The following NBAS variants were observed in gnomAD, a reference collection of about 807,000 sequenced individuals.
The protein encoded by NBAS is NBAS subunit of NRZ tethering complex.
A neutral mutation model predicts 302.5 loss-of-function variants in NBAS; 219 were observed. The ratio of observed to expected loss-of-function variants is 0.72; its 90% CI spans 0.65 to 0.81. The LOEUF (loss-of-function observed/expected upper bound fraction) is 0.81, where lower values mean the gene tolerates loss of function less well. Ranked by LOEUF, NBAS falls within the 30% of genes least tolerant of loss-of-function variation. The probability of loss-of-function intolerance (pLI) is 0.00; values close to 1 mark genes in which losing one functional copy is unlikely to be tolerated. For synonymous variants in NBAS, 1,118 were observed against 1,021.6 expected (o/e 1.09, Z -1.80); for missense variants, 2,932 against 2,841.6 (o/e 1.03, Z -0.72).
chr2:15,323,102 T>C (rs61168993), intron 38 of NBAS, among the ~76,000 whole-genome samples: 3,479 of 152,246 alleles, frequency 0.023, 86 homozygotes, highest in African/African-American at 0.057. Context: ...TCAGAAAATA[T>C]AATCTCAAGA....
At chr2:15,518,603 T>G (rs1348338576) in intron 9 of NBAS, among the ~76,000 whole-genome samples, 1 of 152,136 alleles carries the variant, frequency 6.6e-6, no homozygotes, top group African/African-American at 2.4e-5. Flanking sequence ...TTAGCAAAAC[T>G]TTACTTCCCC....
the NBAS span, among the ~76,000 whole-genome samples, chr2:14,861,118 T>C: frequency 6.6e-6 from 1 of 152,326 alleles, no homozygotes; most frequent in South Asian, 2.1e-4. Context: ...ATCTATCTCA[T>C]TGTCAGTAAT....
At chr2:14,789,190 G>T in the NBAS span, among the ~76,000 whole-genome samples, 3 of 152,164 alleles carry the variant, frequency 2.0e-5, no homozygotes, top group African/African-American at 7.2e-5. Flanking sequence ...TAGGAAAAGC[G>T]CAGTACTGGG....
At chr2:15,378,527 G>C (rs1162726402) in intron 30 of NBAS, among the ~76,000 whole-genome samples, 2 of 152,144 alleles carry the variant, frequency 1.3e-5, no homozygotes, top group Non-Finnish European at 2.9e-5. Context: ...AATTCAAAAT[G>C]CATTTAATAC....
At chr2:15,254,432 T>C (rs1246533019) in intron 44 of NBAS, among the ~76,000 whole-genome samples, 10 of 152,156 alleles carry the variant, frequency 6.6e-5, no homozygotes, top group South Asian at 2.1e-4. Flanking sequence ...GTTTGTGCAG[T>C]GGTAGAAAGT....
chr2:15,383,529 A>G (rs1359570873), intron 28 of NBAS, among the ~76,000 whole-genome samples: 1 of 152,204 alleles, frequency 6.6e-6, no homozygotes, highest in African/African-American at 2.4e-5. Context: ...GCTATGCATC[A>G]CTGCTAGAGA....
chr2:15,553,085 C>T (rs1314190731), intron 5 of NBAS, among the ~76,000 whole-genome samples: 1 of 152,168 alleles, frequency 6.6e-6, no homozygotes, highest in African/African-American at 2.4e-5. Flanking sequence ...CATCCCTACT[C>T]TTTTACACCT....
chr2:14,972,302 T>C, the NBAS span, among the ~76,000 whole-genome samples: 1 of 151,036 alleles, frequency 6.6e-6, no homozygotes, highest in South Asian at 2.1e-4. Context: ...CTGTTGGGGG[T>C]TGGGAGGTGA....
At chr2:15,307,779 G>A (rs768724641) in intron 40 of NBAS, among the ~76,000 whole-genome samples, 1 of 151,752 alleles carries the variant, frequency 6.6e-6, no homozygotes. Flanking sequence ...CATTCTGTCC[G>A]TACAACTGAC....
the NBAS span, among the ~76,000 whole-genome samples, chr2:14,983,229 A>G: frequency 7.2e-5 from 11 of 152,364 alleles, no homozygotes; most frequent in Admixed American, 3.3e-4. Context: ...ATGTGAGTGC[A>G]TGCCATGTGT....
At chr2:15,432,572 A>G (rs1323853399) in intron 21 of NBAS, among the ~76,000 whole-genome samples, 1 of 152,156 alleles carries the variant, frequency 6.6e-6, no homozygotes, top group Admixed American at 6.5e-5. Context: ...AAGTTCTTTT[A>G]TTCATGTTCT....
the NBAS span, among the ~76,000 whole-genome samples, chr2:14,795,825 C>T: frequency 5.3e-5 from 8 of 152,090 alleles, no homozygotes; most frequent in Admixed American, 5.2e-4. Context: ...ACTGTAACAG[C>T]CAAAAATATC....
intron 3 of NBAS, among the ~76,000 whole-genome samples, chr2:15,556,424 A>T (rs1013105775): frequency 6.6e-6 from 1 of 152,238 alleles, no homozygotes; most frequent in African/African-American, 2.4e-5. Flanking sequence ...GATATACAGC[A>T]GTTGAATATT....
chr2:15,544,689 C>A (rs910807216), intron 6 of NBAS, among the ~76,000 whole-genome samples: 5 of 152,116 alleles, frequency 3.3e-5, no homozygotes, highest in Non-Finnish European at 7.4e-5. Context: ...CTCCCAATTT[C>A]TTGTCAAAAA....
At chr2:15,151,104 G>T in the NBAS span, among the ~76,000 whole-genome samples, 32 of 152,184 alleles carry the variant, frequency 2.1e-4, no homozygotes, top group Admixed American at 6.5e-5. Flanking sequence ...CTTCCCTACT[G>T]ATAATGCCTA....
At chr2:14,807,756 A>G in the NBAS span, among the ~76,000 whole-genome samples, 8 of 152,212 alleles carry the variant, frequency 5.3e-5, no homozygotes, top group African/African-American at 1.7e-4. Context: ...CTGCCATTCA[A>G]TACCTACATG....
the NBAS span, among the ~76,000 whole-genome samples, chr2:14,843,526 G>C: frequency 6.7e-6 from 1 of 149,858 alleles, no homozygotes; most frequent in Non-Finnish European, 1.5e-5. Context: ...CTCCCCACAA[G>C]GCACCAATTT....
intron 48 of NBAS, among the ~76,000 whole-genome samples, chr2:15,192,218 C>G: frequency 6.6e-6 from 1 of 150,516 alleles, no homozygotes; most frequent in East Asian, 2.0e-4. Context: ...ATGTTAGCTC[C>G]TTGAAAGAAG....
the NBAS span, among the ~76,000 whole-genome samples, chr2:14,947,850 T>C: frequency 1.3e-5 from 2 of 152,066 alleles, no homozygotes; most frequent in East Asian, 1.9e-4. Flanking sequence ...TTTTATTAAA[T>C]GCTTTTTTCA....
Sources: gnomAD v4.1 joint callset for allele counts (sites outside exome capture counted in the v4.1 genomes callset) on GRCh38, gnomAD v4.1.1 for gene constraint, MANE v1.5 for transcripts, NCBI Gene and HGNC (gene_info 2026-07-23, HGNC 2026-07-21) for gene names.